The following PIK3C3 variants were observed in gnomAD, a reference collection of about 807,000 sequenced individuals.
PIK3C3 encodes the protein PI3-kinase type 3.
Under a neutral mutation model 126.1 loss-of-function variants are expected in PIK3C3, and 95 were observed. The ratio of observed to expected loss-of-function variants is 0.75; its 90% CI spans 0.64 to 0.89. PIK3C3 has a LOEUF of 0.89. PIK3C3 is among the 40% of genes least tolerant of loss of function. PIK3C3 has a pLI of 0.00. For missense variants in PIK3C3, 829 were observed against 1,063.2 expected (o/e 0.78, Z 3.06); for synonymous variants, 374 against 360.0 (o/e 1.04, Z -0.44).
chr18:41,965,630 C>A (rs1568112340), intron 3 of PIK3C3, among the ~76,000 whole-genome samples: 1 of 152,100 alleles, frequency 6.6e-6, no homozygotes, highest in Non-Finnish European at 1.5e-5. Flanking sequence ...GAAAGGGAGC[C>A]TATGAACCAC....
chr18:41,960,950 G>T (rs73454602), intron 2 of PIK3C3, among the ~76,000 whole-genome samples: 1 of 151,710 alleles, frequency 6.6e-6, no homozygotes, highest in East Asian at 1.9e-4. Flanking sequence ...CCATGTTGGC[G>T]AAGCTCATCT....
rs149306291 is a variant in PIK3C3, at chr18:41,978,923, C to T, written c.531+8467C>T. On this transcript the variant is annotated intron_variant, in intron 4 of 24. Coordinates refer to ENST00000262039, the MANE Select transcript of PIK3C3 (RefSeq NM_002647.4). ...TTACCTTTTTTCCCTTTTAATTTTACATGTAGAAGAGTTACTAGCTAGGCA... is the reference window on the plus strand; with the variant it reads ...TTACCTTTTTTCCCTTTTAATTTTATATGTAGAAGAGTTACTAGCTAGGCA... 2.8e-4 allele frequency among the ~76,000 whole-genome samples: 42 copies of T among 151,920 alleles called. 1 individual carries two copies. Among genetic ancestry groups the T allele is most frequent in the East Asian group, 1.4e-3 (7 of 5,166 alleles).
intron 20 of PIK3C3, among the ~76,000 whole-genome samples, chr18:42,047,936 A>G (rs1278031788): frequency 6.6e-6 from 1 of 152,206 alleles, no homozygotes; most frequent in African/African-American, 2.4e-5. Context: ...AGGCTTTTCA[A>G]GTCAGATGAT....
intron 16 of PIK3C3, among the ~76,000 whole-genome samples, chr18:42,036,697 A>G (rs920381638): frequency 6.6e-6 from 1 of 152,164 alleles, no homozygotes; most frequent in African/African-American, 2.4e-5. Flanking sequence ...TAATTAAGGG[A>G]AGGACTGTGG....
At chr18:41,964,692 C>T (rs1238426752) in intron 3 of PIK3C3, among the ~76,000 whole-genome samples, 1 of 151,940 alleles carries the variant, frequency 6.6e-6, no homozygotes, top group African/African-American at 2.4e-5. Flanking sequence ...TTGGCAGATA[C>T]ATTTTAATAT....
intron 16 of PIK3C3, 34 bp downstream of exon 16, chr18:42,033,991 G>T: frequency 6.8e-7 from 1 of 1,480,664 alleles, no homozygotes. Flanking sequence ...TGTATGATTG[G>T]AACCTAATTC....
At chr18:41,983,724 G>C (rs1035064294) in intron 4 of PIK3C3, among the ~76,000 whole-genome samples, 10 of 152,074 alleles carry the variant, frequency 6.6e-5, no homozygotes, top group African/African-American at 2.4e-4. Flanking sequence ...GCAGCAAGTT[G>C]GCCTACTTTT....
rs764647725 is a variant in PIK3C3 at position 41,955,341 on chromosome 18, T to C, written c.50T>C (p.Ile17Thr). 1 of 1,613,560 alleles carries C rather than the reference T, an allele frequency of 6.2e-7. No individual in the cohort carries two copies. Among genetic ancestry groups the C allele is most frequent in the Non-Finnish European group, 8.5e-7 (1 of 1,179,694 alleles). ...TACATCTATAGTTGTGACCTGGATA[T>C]CAACGTCCAGCTTAAGATGTAAGAG... ...FHYIYSCDLD[I>T]NVQLKIGSLE... The change falls in exon 1 of 25, where the codon ATC becomes ACC. Residue 17 changes from isoleucine to threonine, a missense_variant. Ile to Thr is a moderately conservative substitution (Grantham distance 89). Transcript: ENST00000262039.
chr18:41,957,903 A>G, intron 2 of PIK3C3, 145 bp downstream of exon 2: 1 of 576,378 alleles, frequency 1.7e-6, no homozygotes, highest in Non-Finnish European at 3.0e-6. Flanking sequence ...AAACATACTC[A>G]GATAAAGTAT....
intron 1 of PIK3C3, 28 bp from the exon 2 acceptor site, chr18:41,957,542 T>C (rs766110664): frequency 8.1e-6 from 13 of 1,596,444 alleles, no homozygotes; most frequent in Non-Finnish European, 1.1e-5. Flanking sequence ...AATTCATGTC[T>C]GAAACATTGT....
intron 2 of PIK3C3, among the ~76,000 whole-genome samples, chr18:41,962,057 G>T (rs1980115977): frequency 6.6e-6 from 1 of 151,710 alleles, no homozygotes. Flanking sequence ...TGTTTTGATT[G>T]TTTTTTTTCC....
At chr18:42,069,387 C>T (rs1316798167) in intron 24 of PIK3C3, among the ~76,000 whole-genome samples, 2 of 152,206 alleles carry the variant, frequency 1.3e-5, no homozygotes, top group Non-Finnish European at 1.5e-5. Flanking sequence ...GACCACTTGA[C>T]ATCTGTGACA....
chr18:42,048,784 TAAAC>T (rs925219891), intron 20 of PIK3C3, among the ~76,000 whole-genome samples: 11 of 152,196 alleles, frequency 7.2e-5, no homozygotes, highest in African/African-American at 2.7e-4. Flanking sequence ...TGGGCTGAAA[TAAAC>T]AGGTTTTTGT....
rs565549558 is a variant in PIK3C3 at position 42,047,270 on chromosome 18, G to T, written c.2189-2261G>T. Among the ~76,000 whole-genome samples the T allele has an allele frequency of 1.2e-4, 19 of 152,310 alleles. 1 individual carries two copies. The highest frequency in any genetic ancestry group is 4.3e-4 in the African/African-American group (18 of 41,582). The stretch of plus-strand genomic sequence containing the variant: ...TACAGTGATGTTATTTTTCAAAATT[G>T]TAGGAATTTCGCTTGTCTTCATATG... On this transcript the variant is annotated intron_variant, in intron 20 of 24. Transcript: ENST00000262039.
At chr18:41,998,851 G>A (rs941887071) in intron 9 of PIK3C3, among the ~76,000 whole-genome samples, 5 of 152,074 alleles carry the variant, frequency 3.3e-5, no homozygotes, top group East Asian at 1.9e-4. Context: ...TGTGAAAAAC[G>A]GATACTCTCA....
chr18:42,069,021 G>C (rs957914586), intron 24 of PIK3C3, among the ~76,000 whole-genome samples: 1 of 152,010 alleles, frequency 6.6e-6, no homozygotes, highest in African/African-American at 2.4e-5. Context: ...CTTCCTGAAG[G>C]CTGGGCTTTG....
At chr18:42,052,037 T>A (rs1307478343) in intron 21 of PIK3C3, among the ~76,000 whole-genome samples, 3 of 151,990 alleles carry the variant, frequency 2.0e-5, no homozygotes, top group African/African-American at 7.2e-5. Context: ...AAAAAGGTAG[T>A]ATTACATCTG....
intron 19 of PIK3C3, among the ~76,000 whole-genome samples, chr18:42,042,616 TAC>T (rs1984372834): frequency 6.6e-6 from 1 of 152,232 alleles, no homozygotes; most frequent in Non-Finnish European, 1.5e-5. Context: ...TTTCATTACT[TAC>T]ATTGTTTTGT....
intron 9 of PIK3C3, among the ~76,000 whole-genome samples, chr18:42,001,559 T>C (rs944993731): frequency 1.2e-4 from 18 of 152,230 alleles, no homozygotes; most frequent in Admixed American, 7.2e-4. Flanking sequence ...ACTTTTTGTC[T>C]TTCTTATTCT....
Sources: allele counts gnomAD v4.1 joint callset (sites outside exome capture counted in the v4.1 genomes callset), GRCh38; gene constraint gnomAD v4.1.1; transcripts MANE v1.5; gene names NCBI Gene and HGNC (gene_info 2026-07-23, HGNC 2026-07-21).